Variants in GABBR2 observed in about 807,000 individuals in gnomAD.
The protein encoded by GABBR2 is G-protein coupled receptor 51.
GABBR2 carries 23 observed loss-of-function variants against 105.6 expected under a neutral mutation model. The ratio of observed to expected loss-of-function variants is 0.22; its 90% confidence interval spans 0.16 to 0.31. The LOEUF (loss-of-function observed/expected upper bound fraction) is 0.31. Among genes scored for constraint, GABBR2 ranks in the 10% least tolerant of loss-of-function variants. The pLI, the probability that GABBR2 is intolerant of heterozygous loss-of-function variation, is 1.00. For synonymous variants in GABBR2, 478 were observed against 499.7 expected (o/e 0.96, Z 0.58); for missense variants, 734 against 1,245.5 (o/e 0.59, Z 6.18).
At chr9:98,580,617 G>A (rs1038043537) in intron 1 of GABBR2, among the ~76,000 whole-genome samples, 6 of 152,058 alleles carry the variant, frequency 3.9e-5, no homozygotes, top group East Asian at 3.9e-4. Flanking sequence ...GCGAAACCCC[G>A]TCTCTATTAA....
At position 98,306,456 on chromosome 9, in the gene GABBR2, A is replaced by G; in HGVS notation, c.2005-111T>C. On this transcript the variant is annotated intron_variant, in intron 14 of 18. Coordinates refer to ENST00000259455, the MANE Select transcript of GABBR2 (RefSeq NM_005458.8). The surrounding 1 kb of genome is among the most constrained non-coding windows in gnomAD (Gnocchi z 5.4). ...GTTACTCAGGAGGTGGGCTGCAGGG[A>G]GGGAGGGTCGGGGGCCTTGCTGTCA... 42 of 437,964 alleles carry G rather than the reference A, an allele frequency of 9.6e-5. No individual in the cohort carries two copies. The highest frequency in any genetic ancestry group is 3.1e-4 in the East Asian group (5 of 15,914). 27.1% of individuals were successfully genotyped at this position (437,964 alleles called of 1,614,324 possible).
intron 2 of GABBR2, among the ~76,000 whole-genome samples, chr9:98,552,994 A>G (rs1332373875): frequency 6.6e-6 from 1 of 151,208 alleles, no homozygotes; most frequent in Non-Finnish European, 1.5e-5. Flanking sequence ...TCCTGCCTCT[A>G]CCTCCTGAGT....
intron 7 of GABBR2, among the ~76,000 whole-genome samples, chr9:98,413,713 G>A (rs916145607): frequency 2.0e-5 from 3 of 152,144 alleles, no homozygotes; most frequent in Non-Finnish European, 4.4e-5. Context: ...ATAACCAGAC[G>A]GCTCAGAGGG....
chr9:98,316,198 C>A (rs1332562396), intron 13 of GABBR2, among the ~76,000 whole-genome samples: 1 of 151,608 alleles, frequency 6.6e-6, no homozygotes, highest in Non-Finnish European at 1.5e-5. Context: ...GTTGCCCAGG[C>A]TGGAGTGCAA....
intron 1 of GABBR2, among the ~76,000 whole-genome samples, chr9:98,595,174 C>T (rs1829214987): frequency 6.6e-6 from 1 of 152,118 alleles, no homozygotes; most frequent in Non-Finnish European, 1.5e-5. Flanking sequence ...CTAGTGAAGG[C>T]TGGTTTCCTG....
At chr9:98,407,853 T>A (rs898102705) in intron 7 of GABBR2, among the ~76,000 whole-genome samples, 5 of 152,296 alleles carry the variant, frequency 3.3e-5, no homozygotes, top group Admixed American at 2.6e-4. Flanking sequence ...TAGTCCACCT[T>A]TGAAGCAAGA....
chr9:98,562,002 C>T (rs1828679121), intron 2 of GABBR2, among the ~76,000 whole-genome samples: 1 of 152,144 alleles, frequency 6.6e-6, no homozygotes, highest in South Asian at 2.1e-4. Context: ...ATGGGATAGT[C>T]ATACGGTCTC....
intron 2 of GABBR2, among the ~76,000 whole-genome samples, chr9:98,543,769 TTTTATATTAAGAAAATTAGCCC>T (rs1828351264): frequency 6.6e-6 from 1 of 152,368 alleles, no homozygotes; most frequent in Admixed American, 6.5e-5. Context: ...AGAAATGATC[TTTTATATTAAGAAAATTAGCCC>T]TTTATGATAT....
chr9:98,591,880 C>T (rs947845624), intron 1 of GABBR2, among the ~76,000 whole-genome samples: 7 of 152,204 alleles, frequency 4.6e-5, no homozygotes, highest in Non-Finnish European at 1.0e-4. Flanking sequence ...ACTTAAAAAA[C>T]AAAAATGTTG....
At chr9:98,379,236 G>A (rs1362559810) in intron 11 of GABBR2, among the ~76,000 whole-genome samples, 1 of 152,168 alleles carries the variant, frequency 6.6e-6, no homozygotes, top group Non-Finnish European at 1.5e-5. Context: ...CCTACACCAA[G>A]CTGGCCAGCA....
intron 7 of GABBR2, among the ~76,000 whole-genome samples, chr9:98,419,757 C>CT (rs1832749775): frequency 6.6e-6 from 1 of 152,052 alleles, no homozygotes; most frequent in Non-Finnish European, 1.5e-5. Context: ...GTTTTTGTGT[C>CT]TTGTTTTGTA....
chr9:98,425,767 C>T (rs1037711486), intron 7 of GABBR2, among the ~76,000 whole-genome samples: 7 of 152,114 alleles, frequency 4.6e-5, no homozygotes, highest in Non-Finnish European at 8.8e-5. Context: ...CTCAGGTCTG[C>T]GGAACTCTGA....
chr9:98,521,804 A>G (rs4742732), intron 3 of GABBR2, among the ~76,000 whole-genome samples: 36,402 of 152,094 alleles, frequency 0.24, 5,031 homozygotes, highest in Non-Finnish European at 0.31. Context: ...GAACTCACCC[A>G]TGCTGTAAGC....
chr9:98,425,002 C>G (rs911801969), intron 7 of GABBR2, among the ~76,000 whole-genome samples: 1 of 151,536 alleles, frequency 6.6e-6, no homozygotes, highest in Admixed American at 6.6e-5. Context: ...CATATGGAAC[C>G]AAAAAAGAGC....
intron 1 of GABBR2, among the ~76,000 whole-genome samples, chr9:98,616,710 C>T (rs958118436): frequency 5.3e-5 from 8 of 150,582 alleles, no homozygotes; most frequent in Middle Eastern, 3.2e-3. Context: ...GCCAAGAATG[C>T]GCCACTGCAC....
intron 12 of GABBR2, among the ~76,000 whole-genome samples, chr9:98,364,603 T>G (rs1298200415): frequency 6.8e-6 from 1 of 146,238 alleles, no homozygotes; most frequent in Non-Finnish European, 1.5e-5. Flanking sequence ...GGAAGTGGAT[T>G]TTTTTTTTTT....
intron 13 of GABBR2, among the ~76,000 whole-genome samples, chr9:98,332,119 A>G (rs1035513444): frequency 6.6e-5 from 10 of 152,092 alleles, no homozygotes; most frequent in African/African-American, 2.4e-4. Context: ...CTCACCTCTG[A>G]GCCCCACTTG....
At chr9:98,687,526 G>A (rs904387023) in intron 1 of GABBR2, among the ~76,000 whole-genome samples, 2 of 152,186 alleles carry the variant, frequency 1.3e-5, no homozygotes, top group Non-Finnish European at 2.9e-5. Context: ...GAGGATCAGA[G>A]GAGCCTGACT....
At position 98,297,388 on chromosome 9, in the gene GABBR2, A is replaced by G. The variant is rs1830398376; in HGVS notation, c.2542+1836T>C. On this transcript the variant is annotated intron_variant, in intron 17 of 18. Transcript: ENST00000259455. ...TACTTTGGGAGGCTGAGGTGGGTGG[A>G]TCACCTGAGGTCAGGAGTTCGAGAC... 5.3e-5 allele frequency among the ~76,000 whole-genome samples: 8 copies of G among 152,184 alleles called. No homozygotes were observed. The South Asian group carries it at 1.7e-3, about 32-fold the overall frequency.
Sources: gnomAD v4.1 joint callset for allele counts (sites outside exome capture counted in the v4.1 genomes callset) on GRCh38, gnomAD v4.1.1 for gene constraint, Gnocchi (gnomAD v3.1) non-coding constraint, MANE v1.5 for transcripts, NCBI Gene and HGNC (gene_info 2026-07-23, HGNC 2026-07-21) for gene names.